The following LRCH3 variants were observed in gnomAD, a reference collection of about 807,000 sequenced individuals.
LRCH3 encodes leucine rich repeats and calponin homology domain containing 3.
Under a neutral mutation model 104.5 loss-of-function variants are expected in LRCH3, and 68 were observed. The ratio of observed to expected loss-of-function variants is 0.65; its 90% CI spans 0.54 to 0.80. LRCH3 has a LOEUF of 0.80. Among genes scored for constraint, LRCH3 ranks in the 30% least tolerant of loss-of-function variants. LRCH3 has a pLI of 0.00. For synonymous variants in LRCH3, 344 were observed against 361.3 expected (o/e 0.95, Z 0.54); for missense variants, 951 against 953.9 (o/e 1.00, Z 0.04).
chr3:197,865,847 G>A (rs1320808940), intron 16 of LRCH3, among the ~76,000 whole-genome samples: 1 of 151,450 alleles, frequency 6.6e-6, no homozygotes, highest in African/African-American at 2.4e-5. Context: ...GTGAACAACA[G>A]CCGTAGGTCT....
At position 197,886,804 on chromosome 3, in the gene LRCH3, CAAAAAAAAAAAAA is replaced by C. The variant is rs34476668; in HGVS notation, c.*3147_*3159del. 1 of 75,854 alleles carries C rather than the reference CAAAAAAAAAAAAA, an allele frequency of 1.3e-5. No individual in the cohort carries two copies. Among genetic ancestry groups the C allele is most frequent in the South Asian group, 4.4e-4 (1 of 2,270 alleles). The allele number at this position is 75,854 out of a possible 1,614,324, so 4.7% of individuals were successfully genotyped here. A position where few individuals can be genotyped will look rare whatever the true frequency, so the allele number is the denominator to read the frequency against. On this transcript the variant is annotated 3_prime_UTR_variant, in exon 21 of 21. Coordinates refer to ENST00000425562, the MANE Select transcript of LRCH3 (RefSeq NM_001365715.1). ...TGGGCAACAGAGCGAGACTCTGTCTCAAAAAAAAAAAAAAAAAAAAACCCACCAAACCAAAAAT... is the reference window on the plus strand; with the variant it reads ...TGGGCAACAGAGCGAGACTCTGTCTCAAAAAAAACCCACCAAACCAAAAAT...
chr3:197,817,046 A>C (rs1733881254), intron 2 of LRCH3, 130 bp from the exon 3 acceptor site: 1 of 734,232 alleles, frequency 1.4e-6, no homozygotes, highest in Non-Finnish European at 2.1e-6. Flanking sequence ...CGAAGGCTAG[A>C]ACTCCAGTAC....
intron 15 of LRCH3, among the ~76,000 whole-genome samples, 191 bp from the exon 16 acceptor site, chr3:197,865,232 C>T (rs900852034): frequency 1.3e-5 from 2 of 152,184 alleles, no homozygotes; most frequent in Non-Finnish European, 2.9e-5. Context: ...AAGTAATCCT[C>T]GCACCTCAGC....
intron 12 of LRCH3, chr3:197,850,555 C>T: frequency 6.3e-7 from 1 of 1,588,874 alleles, no homozygotes; most frequent in East Asian, 2.2e-5. Flanking sequence ...TTAATCCGAC[C>T]ATGAGCTCTG....
Position 197,835,150 on chromosome 3 carries a change from A to ATT in LRCH3, c.1103-524_1103-523insTT, listed in dbSNP as rs1560559163. 4.6e-3 allele frequency among the ~76,000 whole-genome samples: 706 copies of ATT among 152,274 alleles called. 4 individuals are homozygous for ATT. The highest frequency in any genetic ancestry group is 0.016 in the African/African-American group (673 of 41,546). ...CAAAGGGAGACCCTGTCTCAAAAAA[A>ATT]CAAAACAAAATAAAATATAAGTAAA... On this transcript the variant is annotated intron_variant, in intron 8 of 20. Coordinates refer to ENST00000425562, the MANE Select transcript of LRCH3 (RefSeq NM_001365715.1).
At chr3:197,838,850 A>G (rs1156818609) in intron 9 of LRCH3, among the ~76,000 whole-genome samples, 2 of 152,206 alleles carry the variant, frequency 1.3e-5, no homozygotes, top group East Asian at 3.8e-4. Flanking sequence ...TATGAGTATG[A>G]TAAGAGACAA....
chr3:197,836,577 T>C (rs1384871277), intron 9 of LRCH3, among the ~76,000 whole-genome samples: 1 of 152,126 alleles, frequency 6.6e-6, no homozygotes, highest in African/African-American at 2.4e-5. Context: ...ATTATCCTTT[T>C]AGAAATAGAG....
At chr3:197,792,496 C>T (rs1730641654) in intron 1 of LRCH3, among the ~76,000 whole-genome samples, 2 of 145,114 alleles carry the variant, frequency 1.4e-5, no homozygotes, top group Admixed American at 1.4e-4. Flanking sequence ...CAGCCTCGAC[C>T]TCCCGGGCTC....
chr3:197,800,200 CA>C lies in LRCH3; in HGVS notation c.262+8671del, dbSNP rs1374120859. Among the ~76,000 whole-genome samples, 276 of 140,766 alleles carry C rather than the reference CA, an allele frequency of 2.0e-3. 3 individuals are homozygous for C. Among genetic ancestry groups the C allele is most frequent in the African/African-American group, 6.3e-3 (243 of 38,504 alleles). The allele number at this position is 140,766 out of a possible 152,430, so 92.3% of individuals were successfully genotyped here. A position where few individuals can be genotyped will look rare whatever the true frequency, so the allele number is the denominator to read the frequency against. ...CCTAGGCGACAGAGTGAGACTGTCT[CA>C]AAAAAAAAAACCCCACAGTTTTTTA... On this transcript the variant is annotated intron_variant, in intron 1 of 20. Transcript: ENST00000425562.
At chr3:197,881,446 TG>T in intron 20 of LRCH3, 2 of 985,502 alleles carry the variant, frequency 2.0e-6, no homozygotes, top group Non-Finnish European at 2.4e-6. Context: ...CCTCTCAGGG[TG>T]GGCACCTTCC....
chr3:197,881,191 C>T, intron 20 of LRCH3: 2 of 1,006,714 alleles, frequency 2.0e-6, no homozygotes, highest in South Asian at 8.4e-5. Context: ...GTTTTGGCCG[C>T]ACCCGGTTAC....
At chr3:197,835,574 T>G in intron 8 of LRCH3, 100 bp from the exon 9 acceptor site, 3 of 1,290,968 alleles carry the variant, frequency 2.3e-6, no homozygotes, top group Non-Finnish European at 2.0e-6. Context: ...TAGAAAATCA[T>G]GGGGAAAAGG....
intron 1 of LRCH3, among the ~76,000 whole-genome samples, chr3:197,801,104 A>G (rs6776074): frequency 6.8e-6 from 1 of 147,832 alleles, no homozygotes; most frequent in African/African-American, 2.5e-5. Flanking sequence ...CAAAAAAAAA[A>G]ACAAGAAAAT....
rs373604133 is a variant in LRCH3, at chr3:197,860,110, TC to T, written c.1716+1208del. On this transcript the variant is annotated intron_variant, in intron 15 of 20. Coordinates refer to ENST00000425562, the MANE Select transcript of LRCH3 (RefSeq NM_001365715.1). ...CTGCTCTGTCTCCCAGGCTGGATCCTCCCTCCCTAGCCTCCTGAGTAGCTGG... is the reference window on the plus strand; with the variant it reads ...CTGCTCTGTCTCCCAGGCTGGATCCTCCTCCCTAGCCTCCTGAGTAGCTGG... Among the ~76,000 whole-genome samples the T allele has an allele frequency of 2.8e-4, 43 of 152,262 alleles. No homozygotes were observed. In the East Asian group the frequency reaches 5.4e-3, roughly 19 times the overall value.
intron 20 of LRCH3, chr3:197,881,095 T>A: frequency 9.5e-7 from 1 of 1,055,294 alleles, no homozygotes; most frequent in East Asian, 7.6e-5. Flanking sequence ...TGGCCATTTT[T>A]CCGTGCCTCA....
At position 197,817,360 on chromosome 3, in the gene LRCH3, G is replaced by GTATATA. The variant is rs58866690; in HGVS notation, c.534+72_534+77dup. The GTATATA allele has an allele frequency of 5.5e-3, 494 of 89,976 alleles. 49 individuals carry two copies. Among genetic ancestry groups the GTATATA allele is most frequent in the African/African-American group, 0.034 (396 of 11,734 alleles). The allele number at this position is 89,976 out of a possible 1,614,324, so 5.6% of individuals were successfully genotyped here. A position where few individuals can be genotyped will look rare whatever the true frequency, so the allele number is the denominator to read the frequency against. On this transcript the variant is annotated intron_variant, in intron 3 of 20. Coordinates refer to ENST00000425562, the MANE Select transcript of LRCH3 (RefSeq NM_001365715.1). The stretch of plus-strand genomic sequence containing the variant: ...TGTGTGTGTGTCTGTGTGTGTGTGT[G>GTATATA]TATATATATATATATATATGAAACC...
intron 12 of LRCH3, chr3:197,850,375 A>ATT: frequency 1.2e-6 from 1 of 806,020 alleles, no homozygotes; most frequent in Non-Finnish European, 1.8e-6. Context: ...TTTTCCTTTT[A>ATT]ATTACATTTA....
chr3:197,852,419 T>G (rs1457904341), intron 12 of LRCH3, 142 bp from the exon 13 acceptor site: 1 of 754,582 alleles, frequency 1.3e-6, no homozygotes, highest in Non-Finnish European at 2.2e-6. Flanking sequence ...AAACATTTTC[T>G]AACTAGTAAA....
Position 197,830,083 on chromosome 3 carries a change from C to T in LRCH3, c.887+410C>T, listed in dbSNP as rs549084701. On this transcript the variant is annotated intron_variant, in intron 6 of 20. Transcript: ENST00000425562. ...TAGCTCTGCTGCTGAGGTAACTAGC[C>T]GAAGGCAAGTCATTCCTACTTTTTG... 1.9e-3 allele frequency among the ~76,000 whole-genome samples: 283 copies of T among 152,278 alleles called. 1 individual carries two copies. Among genetic ancestry groups the T allele is most frequent in the Middle Eastern group, 6.8e-3 (2 of 294 alleles).
Sources: allele counts gnomAD v4.1 joint callset (sites outside exome capture counted in the v4.1 genomes callset), GRCh38; gene constraint gnomAD v4.1.1; transcripts MANE v1.5; gene names NCBI Gene and HGNC (gene_info 2026-07-23, HGNC 2026-07-21).